Variants in WNT7A observed in about 807,000 individuals in gnomAD.
The protein encoded by WNT7A is protein Wnt-7a.
Under a neutral mutation model 28.2 loss-of-function variants are expected in WNT7A, and 16 were observed. That is an observed-to-expected ratio of 0.57 (90% CI 0.38 to 0.86). The LOEUF is 0.86. Among genes scored for constraint, WNT7A ranks in the 40% least tolerant of loss-of-function variants. The probability of loss-of-function intolerance (pLI) is 0.00; values close to 1 mark genes in which losing one functional copy is unlikely to be tolerated. For missense variants in WNT7A, 411 were observed against 489.7 expected (o/e 0.84, Z 1.52); for synonymous variants, 190 against 195.9 (o/e 0.97, Z 0.25).
intron 3 of WNT7A, among the ~76,000 whole-genome samples, chr3:13,838,703 G>A (rs2124843172): frequency 6.6e-6 from 1 of 152,304 alleles, no homozygotes; most frequent in Admixed American, 6.5e-5. Context: ...CTGGCTTAGG[G>A]ACCCAGAGAG....
chr3:13,867,278 C>CA (rs1165259256), intron 2 of WNT7A, among the ~76,000 whole-genome samples: 2 of 152,110 alleles, frequency 1.3e-5, no homozygotes, highest in Non-Finnish European at 2.9e-5. Flanking sequence ...CAAACCCGGC[C>CA]ATGTGACTCT....
chr3:13,868,777 G>A (rs1199992470), intron 2 of WNT7A, among the ~76,000 whole-genome samples: 9 of 83,424 alleles, frequency 1.1e-4, no homozygotes, highest in Admixed American at 2.6e-4. Flanking sequence ...GGAAGGGAAG[G>A]GAGGAAGGAA....
At chr3:13,839,821 A>G (rs1282516533) in intron 3 of WNT7A, among the ~76,000 whole-genome samples, 1 of 152,218 alleles carries the variant, frequency 6.6e-6, no homozygotes, top group Non-Finnish European at 1.5e-5. Context: ...GGCCTGTTTT[A>G]CAGTTGAGTT....
chr3:13,876,038 G>A (rs1415004150), intron 1 of WNT7A: 1 of 152,274 alleles, frequency 6.6e-6, no homozygotes, highest in African/African-American at 2.4e-5. Context: ...GAAAGTAAAG[G>A]AAGATGCTGG....
At chr3:13,874,627 C>A (rs1003792253) in intron 2 of WNT7A, among the ~76,000 whole-genome samples, 5 of 152,168 alleles carry the variant, frequency 3.3e-5, no homozygotes, top group African/African-American at 1.2e-4. Context: ...ACCAGAAATT[C>A]CTATATTTTA....
At chr3:13,847,568 G>C (rs1694559596) in intron 3 of WNT7A, among the ~76,000 whole-genome samples, 1 of 152,330 alleles carries the variant, frequency 6.6e-6, no homozygotes, top group South Asian at 2.1e-4. Flanking sequence ...GACAGTGGAG[G>C]CTAGGGAGGG....
In WNT7A at chr3:13,854,586, G is replaced by A; in HGVS notation, c.516C>T (p.Ile172=). 3.7e-6 allele frequency: 6 copies of A among 1,614,138 alleles called. No individual in the cohort carries two copies. Among genetic ancestry groups the A allele is most frequent in the Non-Finnish European group, 5.1e-6 (6 of 1,180,044 alleles). ...FAKVFVDARE[I]KQNARTLMNL... ...TCATGAGAGTCCGGGCATTCTGCTTGATCTCCCGGGCATCCACAAAGACCT... is the reference window on the plus strand; with the variant it reads ...TCATGAGAGTCCGGGCATTCTGCTTAATCTCCCGGGCATCCACAAAGACCT... Residue 172 remains isoleucine (I), a synonymous_variant, in exon 3 of 4, where the codon ATC becomes ATT. Transcript: ENST00000285018.
At chr3:13,863,568 A>T (rs1052107691) in intron 2 of WNT7A, 8 of 152,168 alleles carry the variant, frequency 5.3e-5, no homozygotes, top group Admixed American at 1.3e-4. Flanking sequence ...CAGGAGAGCT[A>T]AAACCCAGGA....
At chr3:13,871,207 G>A (rs1198859568) in intron 2 of WNT7A, among the ~76,000 whole-genome samples, 1 of 152,166 alleles carries the variant, frequency 6.6e-6, no homozygotes, top group Non-Finnish European at 1.5e-5. Context: ...ATGGGTCCTG[G>A]TGCTCAAAGT....
intron 3 of WNT7A, among the ~76,000 whole-genome samples, chr3:13,829,251 A>G (rs1273277173): frequency 1.3e-5 from 2 of 152,158 alleles, no homozygotes; most frequent in East Asian, 3.8e-4. Context: ...AAGAAACCAT[A>G]TCCAGATTTT....
chr3:13,869,038 G>A (rs1021455972), intron 2 of WNT7A, among the ~76,000 whole-genome samples: 4 of 149,962 alleles, frequency 2.7e-5, no homozygotes, highest in African/African-American at 9.8e-5. Flanking sequence ...AAGTGAGAGA[G>A]AGAGAAAGGG....
chr3:13,842,322 G>T (rs1210709265), intron 3 of WNT7A, among the ~76,000 whole-genome samples: 1 of 152,122 alleles, frequency 6.6e-6, no homozygotes, highest in African/African-American at 2.4e-5. Context: ...GGACTCTGGG[G>T]TAAGGGAATT....
In WNT7A at chr3:13,819,531, T is replaced by C; in HGVS notation, c.571-108A>G. ...CACCCCTGCCCCACCTATCTGGGTC[T>C]GGCTTTAGTTTTTTCTTTCTGGTGT... On this transcript the variant is annotated intron_variant, in intron 3 of 3. Transcript: ENST00000285018. 4 of 1,389,348 alleles carry C rather than the reference T, an allele frequency of 2.9e-6. No homozygotes were observed. The South Asian group carries it at 5.8e-5, about 20-fold the overall frequency. 86.1% of individuals were successfully genotyped at this position (1,389,348 alleles called of 1,614,324 possible). A position where few individuals can be genotyped will look rare whatever the true frequency, so the allele number is the denominator to read the frequency against.
chr3:13,851,190 A>G (rs1034976000), intron 3 of WNT7A, among the ~76,000 whole-genome samples: 1 of 152,120 alleles, frequency 6.6e-6, no homozygotes, highest in Non-Finnish European at 1.5e-5. Flanking sequence ...ACTCCACTCT[A>G]TCCCAGACAG....
intron 2 of WNT7A, among the ~76,000 whole-genome samples, chr3:13,862,866 C>G (rs1326151195): frequency 6.6e-6 from 1 of 152,226 alleles, no homozygotes; most frequent in Non-Finnish European, 1.5e-5. Context: ...CATGCTGTTC[C>G]CTCAGCCTGC....
intron 3 of WNT7A, among the ~76,000 whole-genome samples, chr3:13,827,639 G>T (rs1362693594): frequency 6.6e-6 from 1 of 152,116 alleles, no homozygotes; most frequent in Admixed American, 6.5e-5. Flanking sequence ...CTTCCTGGAA[G>T]AAGGAAGGAT....
chr3:13,837,872 T>C (rs1032399645), intron 3 of WNT7A, among the ~76,000 whole-genome samples: 2 of 152,148 alleles, frequency 1.3e-5, no homozygotes, highest in Admixed American at 1.3e-4. Context: ...AGGAGCTCCC[T>C]GAGACATGAG....
chr3:13,863,143 G>A (rs1023881146), intron 2 of WNT7A, among the ~76,000 whole-genome samples: 1 of 152,156 alleles, frequency 6.6e-6, no homozygotes, highest in Non-Finnish European at 1.5e-5. Flanking sequence ...CTTGGTAAGG[G>A]ATCGATAAAC....
chr3:13,869,163 C>T (rs111064676), intron 2 of WNT7A, among the ~76,000 whole-genome samples: 69,600 of 125,484 alleles, frequency 0.55, 17,118 homozygotes, highest in East Asian at 0.8. Flanking sequence ...GAAGGAAGGA[C>T]GGAAAAGAGA....
Sources: gnomAD v4.1 joint callset for allele counts (sites outside exome capture counted in the v4.1 genomes callset) on GRCh38, gnomAD v4.1.1 for gene constraint, MANE v1.5 for transcripts, NCBI Gene and HGNC (gene_info 2026-07-23, HGNC 2026-07-21) for gene names.